The following CNTN5 variants were observed in gnomAD, a reference collection of about 807,000 sequenced individuals.
The protein encoded by CNTN5 is contactin-5.
CNTN5 carries 77 observed loss-of-function variants against 129.1 expected under a neutral mutation model. That is an observed-to-expected ratio of 0.60 (90% CI 0.50 to 0.72). The LOEUF is 0.72. Ranked by LOEUF, CNTN5 falls within the 30% of genes least tolerant of loss-of-function variation. The pLI, the probability that CNTN5 is intolerant of heterozygous loss-of-function variation, is 0.00. For missense variants in CNTN5, 1,478 were observed against 1,328.8 expected, an observed-to-expected ratio of 1.11 and a Z score of -1.75; for synonymous variants, 509 against 465.6, an observed-to-expected ratio of 1.09 and a Z score of -1.20.
At chr11:99,772,668 T>C (rs1395780242) in intron 3 of CNTN5, among the ~76,000 whole-genome samples, 1 of 152,148 alleles carries the variant, frequency 6.6e-6, no homozygotes, top group Non-Finnish European at 1.5e-5. Context: ...ATTTTTCTTT[T>C]TCATTTCAAC....
At chr11:100,226,743 A>G (rs375695588) in intron 16 of CNTN5, among the ~76,000 whole-genome samples, 1 of 150,482 alleles carries the variant, frequency 6.6e-6, no homozygotes, top group East Asian at 1.9e-4. Context: ...ACACTGAACT[A>G]AGAGTTCTGG....
chr11:100,280,784 T>TTTTTTCTC (rs1237804845), intron 18 of CNTN5, among the ~76,000 whole-genome samples: 1 of 152,104 alleles, frequency 6.6e-6, no homozygotes, highest in Non-Finnish European at 1.5e-5. Flanking sequence ...TGCCTTCCTA[T>TTTTTTCTC]TAGTGAAGGT....
At chr11:99,211,380 A>G (rs959462123) in intron 1 of CNTN5, among the ~76,000 whole-genome samples, 6 of 152,124 alleles carry the variant, frequency 3.9e-5, no homozygotes, top group Non-Finnish European at 7.4e-5. Context: ...ATTCTAGTCT[A>G]GACAATTTTT....
chr11:100,230,434 T>C (rs902814704), intron 16 of CNTN5, among the ~76,000 whole-genome samples: 1 of 152,210 alleles, frequency 6.6e-6, no homozygotes, highest in African/African-American at 2.4e-5. Context: ...TTCATATGGT[T>C]GCTTGCTAAC....
At chr11:100,094,212 G>A (rs1944903131) in intron 13 of CNTN5, among the ~76,000 whole-genome samples, 1 of 152,060 alleles carries the variant, frequency 6.6e-6, no homozygotes. Flanking sequence ...ATCAGCTATG[G>A]TCTATGGATC....
chr11:99,294,405 A>T (rs1015695114), intron 1 of CNTN5, among the ~76,000 whole-genome samples: 1 of 152,210 alleles, frequency 6.6e-6, no homozygotes, highest in African/African-American at 2.4e-5. Context: ...TTAGGAAAGC[A>T]ATCCCATTTA....
At chr11:99,488,242 G>A (rs1457269508) in intron 2 of CNTN5, among the ~76,000 whole-genome samples, 3 of 148,062 alleles carry the variant, frequency 2.0e-5, no homozygotes, top group Non-Finnish European at 4.4e-5. Context: ...GCGCGATCTC[G>A]GCTCACTGGA....
intron 13 of CNTN5, among the ~76,000 whole-genome samples, chr11:100,142,115 T>A (rs1351266751): frequency 1.3e-5 from 2 of 152,112 alleles, no homozygotes; most frequent in Non-Finnish European, 2.9e-5. Flanking sequence ...ACCCCCAAGT[T>A]CTCAGGCTTT....
At chr11:99,501,532 C>G (rs1315653911) in intron 2 of CNTN5, among the ~76,000 whole-genome samples, 1 of 152,220 alleles carries the variant, frequency 6.6e-6, no homozygotes, top group African/African-American at 2.4e-5. Context: ...CTCCTGGCAT[C>G]AGGCAAGATG....
chr11:99,177,755 C>G (rs1365768067), intron 1 of CNTN5, among the ~76,000 whole-genome samples: 1 of 152,160 alleles, frequency 6.6e-6, no homozygotes, highest in Non-Finnish European at 1.5e-5. Flanking sequence ...CAAGTTGTCA[C>G]AGTCCAGAGG....
At chr11:99,510,236 C>G (rs886833087) in intron 2 of CNTN5, among the ~76,000 whole-genome samples, 1 of 151,892 alleles carries the variant, frequency 6.6e-6, no homozygotes, top group Non-Finnish European at 1.5e-5. Context: ...TTCTTACAAC[C>G]AAGTAAATGA....
intron 20 of CNTN5, among the ~76,000 whole-genome samples, chr11:100,302,150 A>G (rs1951236537): frequency 6.6e-6 from 1 of 151,702 alleles, no homozygotes; most frequent in Non-Finnish European, 1.5e-5. Context: ...ATAAAAAGGG[A>G]AAATCAACAT....
intron 2 of CNTN5, among the ~76,000 whole-genome samples, chr11:99,445,755 A>G (rs1431136807): frequency 1.3e-5 from 2 of 152,068 alleles, no homozygotes; most frequent in African/African-American, 2.4e-5. Context: ...ACATTATTTA[A>G]TATGTGGTTC....
intron 3 of CNTN5, among the ~76,000 whole-genome samples, chr11:99,590,872 AT>A (rs777118835): frequency 6.6e-6 from 1 of 152,206 alleles, no homozygotes; most frequent in Non-Finnish European, 1.5e-5. Context: ...TTCAGAATAT[AT>A]TTTTTCCAAA....
intron 9 of CNTN5, among the ~76,000 whole-genome samples, chr11:100,012,822 A>G (rs1940607287): frequency 6.6e-6 from 1 of 152,222 alleles, no homozygotes; most frequent in Non-Finnish European, 1.5e-5. Flanking sequence ...TAACAAGAAC[A>G]TGAAGCAAAA....
chr11:99,189,664 CA>C (rs1175880847), intron 1 of CNTN5, among the ~76,000 whole-genome samples: 3 of 151,606 alleles, frequency 2.0e-5, no homozygotes, highest in African/African-American at 7.3e-5. Flanking sequence ...TATTAGTTTA[CA>C]TTTCTCTGAT....
At chr11:99,437,352 A>G (rs78392047) in intron 2 of CNTN5, among the ~76,000 whole-genome samples, 3,004 of 152,278 alleles carry the variant, frequency 0.02, 30 homozygotes, top group Middle Eastern at 0.041. Context: ...GTAATCATCT[A>G]TAATTTGACT....
At chr11:100,072,929 C>A (rs1003620380) in intron 12 of CNTN5, among the ~76,000 whole-genome samples, 1 of 137,930 alleles carries the variant, frequency 7.3e-6, no homozygotes, top group African/African-American at 2.9e-5. Context: ...ATTTCTCAAA[C>A]CCTTATCATT....
Position 99,925,923 on chromosome 11 carries a change from A to T in CNTN5, c.673+9774A>T, listed in dbSNP as rs529668395. ...CTAAATAGCTATATTGTACCATCAT[A>T]TTTCACCTGGGATTTGGTCTCAGAC... On this transcript the variant is annotated intron_variant, in intron 7 of 24. Transcript: ENST00000524871. Among the ~76,000 whole-genome samples the T allele has an allele frequency of 2.0e-5, 3 of 152,160 alleles. No homozygotes were observed. In the South Asian group the frequency reaches 6.2e-4, roughly 32 times the overall value.
Sources: gnomAD v4.1 joint callset for allele counts (sites outside exome capture counted in the v4.1 genomes callset) on GRCh38, gnomAD v4.1.1 for gene constraint, MANE v1.5 for transcripts, NCBI Gene and HGNC (gene_info 2026-07-23, HGNC 2026-07-21) for gene names.